CFAP61: variants seen among roughly 807,000 people sequenced by gnomAD.
CFAP61 encodes the protein cilia and flagella associated protein 61.
A neutral mutation model predicts 135.6 loss-of-function variants in CFAP61; 107 were observed. That is an observed-to-expected ratio of 0.79 (90% CI 0.67 to 0.93). The LOEUF is 0.93. Ranked by LOEUF, CFAP61 falls within the 40% of genes least tolerant of loss-of-function variation. The pLI is 0.00. For synonymous variants in CFAP61, 575 were observed against 578.5 expected (o/e 0.99, Z 0.09); for missense variants, 1,507 against 1,556.2 (o/e 0.97, Z 0.53).
intron 13 of CFAP61, among the ~76,000 whole-genome samples, chr20:20,177,610 C>T (rs1405121521): frequency 6.6e-6 from 1 of 151,538 alleles, no homozygotes. Context: ...CATACATGTG[C>T]CAGCTTTATC....
intron 23 of CFAP61, among the ~76,000 whole-genome samples, chr20:20,290,076 C>T (rs547431705): frequency 6.6e-6 from 1 of 152,140 alleles, no homozygotes; most frequent in Non-Finnish European, 1.5e-5. Flanking sequence ...CATCCTGGAG[C>T]AATGGCGGCT....
At chr20:20,127,645 TG>T (rs1045771400) in intron 8 of CFAP61, among the ~76,000 whole-genome samples, 15 of 136,914 alleles carry the variant, frequency 1.1e-4, no homozygotes, top group Admixed American at 2.2e-4. Context: ...GGGGTCGGGG[TG>T]GGGGTTGAAA....
At chr20:20,337,788 G>C (rs4494828) in intron 25 of CFAP61, among the ~76,000 whole-genome samples, 143,656 of 151,096 alleles carry the variant, frequency 0.95, 68,732 homozygotes, top group East Asian at 1. Flanking sequence ...AATCCTGCCT[G>C]CCTCTCACCC....
intron 17 of CFAP61, among the ~76,000 whole-genome samples, chr20:20,219,571 T>C (rs906507824): frequency 1.3e-5 from 2 of 152,214 alleles, no homozygotes; most frequent in Admixed American, 6.5e-5. Context: ...CCTGAAATTC[T>C]CTTTCCTTTA....
intron 22 of CFAP61, among the ~76,000 whole-genome samples, chr20:20,285,812 T>TG (rs1017940014): frequency 3.3e-5 from 5 of 150,350 alleles, no homozygotes; most frequent in Non-Finnish European, 5.9e-5. Flanking sequence ...TCCAGCTACA[T>TG]GGGGGGGCTG....
At chr20:20,191,464 A>G (rs755176762) in intron 15 of CFAP61, 45 bp downstream of exon 15, 6 of 1,432,376 alleles carry the variant, frequency 4.2e-6, no homozygotes, top group South Asian at 2.4e-5. Flanking sequence ...GTGCCTTGCT[A>G]TATCATGAAT....
At chr20:20,346,518 C>CAA (rs533647243) in intron 26 of CFAP61, among the ~76,000 whole-genome samples, 53,267 of 131,694 alleles carry the variant, frequency 0.4, 11,385 homozygotes, top group Middle Eastern at 0.51. Context: ...AACTCCGTCT[C>CAA]AAAAAAAAAA....
chr20:20,159,368 A>G lies in CFAP61; in HGVS notation c.952-2A>G. ...TTCATGTTTTGCTGTCATCATTTCC[A>G]GGGAAATATTGCCAGAGAAGCTGCA... On this transcript the variant is annotated splice_acceptor_variant, in intron 9 of 26. Transcript: ENST00000245957. LOFTEE classifies it high-confidence loss of function. The G allele has an allele frequency of 6.2e-7, 1 of 1,613,638 alleles. No individual in the cohort carries two copies. The highest frequency in any genetic ancestry group is 8.5e-7 in the Non-Finnish European group (1 of 1,179,562).
In CFAP61 at chr20:20,356,226, A is replaced by G. The variant is rs1459725841; in HGVS notation, c.3514-3984A>G. Among the ~76,000 whole-genome samples the G allele has an allele frequency of 6.1e-5, 5 of 81,854 alleles. 1 individual carries two copies. Among genetic ancestry groups the G allele is most frequent in the South Asian group, 1.0e-3 (2 of 1,962 alleles). 53.7% of individuals were successfully genotyped at this position (81,854 alleles called of 152,430 possible). A position where few individuals can be genotyped will look rare whatever the true frequency, so the allele number is the denominator to read the frequency against. ...GTGGTCATACTGTGAGTGAGGAGCT[A>G]GTCACACTGAGGGGAGGGGTCATAC... On this transcript the variant is annotated intron_variant, in intron 26 of 26. Transcript: ENST00000245957.
At chr20:20,063,523 C>CA (rs1417387655) in intron 2 of CFAP61, among the ~76,000 whole-genome samples, 1 of 152,060 alleles carries the variant, frequency 6.6e-6, no homozygotes, top group South Asian at 2.1e-4. Context: ...TAAACAGAGA[C>CA]AAAATCATTC....
At chr20:20,194,915 A>T (rs2056181431) in intron 15 of CFAP61, among the ~76,000 whole-genome samples, 1 of 152,146 alleles carries the variant, frequency 6.6e-6, no homozygotes, top group Admixed American at 6.5e-5. Context: ...GGGATTTGGG[A>T]TGGGAAGAAA....
At position 20,200,036 on chromosome 20, in the gene CFAP61, G is replaced by A. The variant is rs1290936880; in HGVS notation, c.1932+134G>A. On this transcript the variant is annotated intron_variant, in intron 17 of 26. Coordinates refer to ENST00000245957, the MANE Select transcript of CFAP61 (RefSeq NM_015585.4). ...GAACCTGGTGCTCATACCCTTACAG[G>A]CGGAGCCCCGCGAAGGCTCCCCTGC... The A allele has an allele frequency of 6.7e-6, 7 of 1,045,778 alleles. No individual in the cohort carries two copies. The Admixed American group carries it at 1.7e-4, about 25-fold the overall frequency. The allele number at this position is 1,045,778 out of a possible 1,614,324, so 64.8% of individuals were successfully genotyped here.
chr20:20,206,760 A>G (rs1471112208), intron 17 of CFAP61, among the ~76,000 whole-genome samples: 1 of 151,984 alleles, frequency 6.6e-6, no homozygotes, highest in Non-Finnish European at 1.5e-5. Flanking sequence ...TACCATATAT[A>G]TATATATGTT....
intron 25 of CFAP61, among the ~76,000 whole-genome samples, chr20:20,310,659 G>A (rs891992402): frequency 4.6e-5 from 7 of 152,274 alleles, no homozygotes; most frequent in East Asian, 1.9e-4. Context: ...AAATGGCTCC[G>A]CAGACCTAGC....
rs189749576 is a variant in CFAP61 at position 20,210,424 on chromosome 20, C to T, written c.1932+10522C>T. On this transcript the variant is annotated intron_variant, in intron 17 of 26. Transcript: ENST00000245957. The stretch of plus-strand genomic sequence containing the variant: ...TCAGACTCAAAAAACCTTCTTGCAA[C>T]CCGTTATCTGCCTGGAAACAAAACA... Among the ~76,000 whole-genome samples the T allele has an allele frequency of 3.9e-5, 6 of 152,332 alleles. No individual in the cohort carries two copies. In the East Asian group the frequency reaches 1.2e-3, roughly 29 times the overall value.
chr20:20,110,700 T>G (rs900610724), intron 8 of CFAP61, among the ~76,000 whole-genome samples: 1 of 152,174 alleles, frequency 6.6e-6, no homozygotes, highest in Non-Finnish European at 1.5e-5. Context: ...CATGGCTGTT[T>G]CCTGGAGCGC....
At chr20:20,091,042 C>T (rs915597714) in intron 7 of CFAP61, 66 bp downstream of exon 7, 2 of 1,573,354 alleles carry the variant, frequency 1.3e-6, no homozygotes, top group South Asian at 1.1e-5. Flanking sequence ...TGGTGTTGCT[C>T]TTGCGTTGCT....
chr20:20,052,845 G>T, intron 1 of CFAP61: 3 of 928,914 alleles, frequency 3.2e-6, no homozygotes, highest in African/African-American at 1.7e-5. Context: ...AGGCTGCAAT[G>T]CCTCGAGCAT....
chr20:20,282,173 T>C (rs2054244468), intron 22 of CFAP61, among the ~76,000 whole-genome samples: 1 of 152,196 alleles, frequency 6.6e-6, no homozygotes, highest in Non-Finnish European at 1.5e-5. Context: ...GCTGCCAGTC[T>C]CTCTGTCTCT....
Sources: allele counts gnomAD v4.1 joint callset (sites outside exome capture counted in the v4.1 genomes callset), GRCh38; gene constraint gnomAD v4.1.1; transcripts MANE v1.5; gene names NCBI Gene and HGNC (gene_info 2026-07-23, HGNC 2026-07-21).